Variants in CUBN observed in about 807,000 individuals in gnomAD.
CUBN encodes the protein cubilin.
Under a neutral mutation model 405.3 loss-of-function variants are expected in CUBN, and 282 were observed. The ratio of observed to expected loss-of-function variants is 0.70; its 90% confidence interval spans 0.63 to 0.77. The LOEUF (loss-of-function observed/expected upper bound fraction) is 0.77, where lower values mean the gene tolerates loss of function less well. CUBN is among the 30% of genes least tolerant of loss of function. CUBN has a pLI of 0.00. For synonymous variants in CUBN, 1,684 were observed against 1,617.0 expected (o/e 1.04, Z -0.99); for missense variants, 4,514 against 4,475.2 (o/e 1.01, Z -0.25).
chr10:17,046,419 A>AAACT (rs1255046487), intron 23 of CUBN, among the ~76,000 whole-genome samples: 5 of 152,220 alleles, frequency 3.3e-5, no homozygotes, highest in Admixed American at 3.3e-4. Context: ...CACGATAAAG[A>AAACT]AACTATACTA....
intron 1 of CUBN, 47 bp from the exon 2 acceptor site, chr10:17,129,297 T>C (rs1837267874): frequency 3.8e-6 from 6 of 1,596,202 alleles, no homozygotes; most frequent in Middle Eastern, 1.7e-4. Context: ...GCAAGTACAA[T>C]TTTTAAACCA....
intron 45 of CUBN, 49 bp from the exon 46 acceptor site, chr10:16,916,079 A>C (rs778661964): frequency 7.4e-5 from 117 of 1,571,784 alleles, no homozygotes; most frequent in East Asian, 7.0e-4. Context: ...AGCAAGCAAG[A>C]AAGATTGATT....
chr10:17,042,339 A>G (rs546784862), intron 26 of CUBN, among the ~76,000 whole-genome samples: 27 of 152,314 alleles, frequency 1.8e-4, no homozygotes, highest in African/African-American at 6.0e-4. Context: ...GGGGCAACAC[A>G]GGGCCCAGGA....
At chr10:16,957,468 A>G (rs1843098974) in intron 31 of CUBN, among the ~76,000 whole-genome samples, 1 of 152,234 alleles carries the variant, frequency 6.6e-6, no homozygotes. Flanking sequence ...TCAAGAGAAG[A>G]CATACAAATG....
At chr10:16,865,455 C>A (rs1015120009) in intron 59 of CUBN, among the ~76,000 whole-genome samples, 16 of 152,072 alleles carry the variant, frequency 1.1e-4, no homozygotes, top group South Asian at 2.1e-4. Context: ...TCGTCATCAG[C>A]ATGTGTGCTC....
chr10:16,834,533 T>C (rs566549391), intron 64 of CUBN, among the ~76,000 whole-genome samples: 193 of 152,274 alleles, frequency 1.3e-3, no homozygotes, highest in African/African-American at 4.6e-3. Flanking sequence ...AAGGAAACAC[T>C]TGTCTTTAGA....
chr10:17,087,034 C>A (rs1399732575), intron 15 of CUBN, among the ~76,000 whole-genome samples: 1 of 152,134 alleles, frequency 6.6e-6, no homozygotes, highest in Non-Finnish European at 1.5e-5. Flanking sequence ...CCAGTCATTC[C>A]CAAAGGTTTC....
At chr10:16,918,271 T>C (rs752652892) in intron 45 of CUBN, among the ~76,000 whole-genome samples, 22 of 152,302 alleles carry the variant, frequency 1.4e-4, no homozygotes, top group East Asian at 1.9e-4. Flanking sequence ...CCTTGGCTAT[T>C]TGGGTTCTTT....
rs1588608058 is a variant in CUBN at position 16,872,326 on chromosome 10, A to C, written c.9236+2048T>G. Among the ~76,000 whole-genome samples, 8 of 149,014 alleles carry C rather than the reference A, an allele frequency of 5.4e-5. 1 individual carries two copies. The Admixed American group carries it at 5.4e-4, about 10-fold the overall frequency. ...CAGGATCCAGGCTGAAAACTGAAAA[A>C]ATACATTTAGATTGTATACATACAT... On this transcript the variant is annotated intron_variant, in intron 58 of 66. Transcript: ENST00000377833.
At chr10:16,914,092 T>C (rs1841812471) in intron 47 of CUBN, 100 bp from the exon 48 acceptor site, 12 of 1,220,358 alleles carry the variant, frequency 9.8e-6, no homozygotes, top group Middle Eastern at 2.0e-4. Context: ...ATTATCCTTC[T>C]AGATAAAATT....
At chr10:16,880,354 T>A (rs1840633073) in intron 56 of CUBN, among the ~76,000 whole-genome samples, 1 of 152,126 alleles carries the variant, frequency 6.6e-6, no homozygotes, top group Non-Finnish European at 1.5e-5. Flanking sequence ...ATCAGATGTG[T>A]CCAAACTGCA....
In CUBN at chr10:17,071,960, A is replaced by G. The variant is rs1193831830; in HGVS notation, c.2313T>C (p.Gly771=). Residue 771 remains glycine, a synonymous_variant, in exon 18 of 67, where the codon GGT becomes GGC. Transcript: ENST00000377833. ...CACAGACTTTTCCAAGTAAGGTTTCACCATCTCGAACCTAAAGAGAAAAAT... is the reference window on the plus strand; with the variant it reads ...CACAGACTTTTCCAAGTAAGGTTTCGCCATCTCGAACCTAAAGAGAAAAAT... ...SSQNYIEVRD[G]ETLLGKVCGN... 3.1e-6 allele frequency: 5 copies of G among 1,611,868 alleles called. No homozygotes were observed. Among genetic ancestry groups the G allele is most frequent in the Admixed American group, 1.7e-5 (1 of 59,870 alleles).
At chr10:17,006,329 A>G (rs1022913511) in intron 28 of CUBN, among the ~76,000 whole-genome samples, 5 of 152,196 alleles carry the variant, frequency 3.3e-5, no homozygotes, top group Admixed American at 1.3e-4. Flanking sequence ...CTGCCTGTTC[A>G]TTATAGGCTG....
At chr10:16,974,774 C>T (rs757883437) in intron 31 of CUBN, among the ~76,000 whole-genome samples, 6 of 152,258 alleles carry the variant, frequency 3.9e-5, no homozygotes, top group Non-Finnish European at 8.8e-5. Context: ...CTAGCGCCCC[C>T]TCCCTCTTCC....
At chr10:17,062,555 G>A (rs746904357) in intron 22 of CUBN, among the ~76,000 whole-genome samples, 2 of 152,170 alleles carry the variant, frequency 1.3e-5, no homozygotes, top group Non-Finnish European at 2.9e-5. Flanking sequence ...GTACTTGTTA[G>A]TTCTTTTCTT....
intron 6 of CUBN, 54 bp downstream of exon 6, chr10:17,122,740 GT>G: frequency 9.7e-7 from 1 of 1,030,968 alleles, no homozygotes. Flanking sequence ...ACTATGGGAT[GT>G]TTTAGGCCTT....
At chr10:17,023,070 T>A (rs1167391101) in intron 27 of CUBN, among the ~76,000 whole-genome samples, 5 of 152,120 alleles carry the variant, frequency 3.3e-5, no homozygotes, top group Admixed American at 2.6e-4. Flanking sequence ...TTAAGAAATG[T>A]GGCATTTTCA....
intron 44 of CUBN, among the ~76,000 whole-genome samples, chr10:16,919,124 A>C (rs560476349): frequency 6.6e-6 from 1 of 152,364 alleles, no homozygotes; most frequent in African/African-American, 2.4e-5. Context: ...AAAACAACAA[A>C]TATTTTGTTC....
chr10:16,869,647 C>T lies in CUBN; in HGVS notation c.9443G>A (p.Arg3148Gln), dbSNP rs746738635. Residue 3148 changes from arginine to glutamine, a missense_variant, in exon 59 of 67, where the codon CGG becomes CAG. Arg to Gln is a conservative substitution (Grantham distance 43). This residue lies in a region of CUBN where 1,186 missense variants were observed against 1,186.9 expected (regional missense o/e 1.00). Transcript: ENST00000377833. The stretch of plus-strand genomic sequence containing the variant: ...TCCAGAATTCTTACCCAATGTCTGC[C>T]GGAAAGACATCTTCCAGCCTTTTGC... ...QTAKGWKMSF[R>Q]QTLGPQQGCG... is the part of the protein sequence containing the mutation. The T allele has an allele frequency of 7.4e-6, 12 of 1,612,302 alleles. No homozygotes were observed. Among genetic ancestry groups the T allele is most frequent in the East Asian group, 2.2e-5 (1 of 44,858 alleles).
Sources: allele counts gnomAD v4.1 joint callset (sites outside exome capture counted in the v4.1 genomes callset), GRCh38; gene constraint gnomAD v4.1.1; regional missense constraint gnomAD v4.1.1; transcripts MANE v1.5; gene names NCBI Gene and HGNC (gene_info 2026-07-23, HGNC 2026-07-21).